TPD52: variants seen among roughly 807,000 people sequenced by gnomAD.
TPD52 encodes prostate and colon associated protein.
Under a neutral mutation model 31.3 loss-of-function variants are expected in TPD52, and 17 were observed. That is an observed-to-expected ratio of 0.54 (90% CI 0.37 to 0.82). The LOEUF is 0.82. Ranked by LOEUF, TPD52 falls within the 40% of genes least tolerant of loss-of-function variation. TPD52 has a pLI of 0.00. For missense variants in TPD52, 212 were observed against 240.1 expected (o/e 0.88, Z 0.77); for synonymous variants, 83 against 89.6 (o/e 0.93, Z 0.42).
intron 3 of TPD52, 65 bp downstream of exon 3, chr8:80,053,217 C>T: frequency 6.5e-7 from 1 of 1,532,834 alleles, no homozygotes; most frequent in Admixed American, 1.9e-5. Flanking sequence ...CTTCCCCTCT[C>T]CAGACAAAAG....
chr8:80,135,915 AG>A (rs1164025213), intron 1 of TPD52, among the ~76,000 whole-genome samples: 1 of 134,966 alleles, frequency 7.4e-6, no homozygotes, highest in Non-Finnish European at 1.6e-5. Flanking sequence ...TCTCACTCAT[AG>A]GTGGGAAGTG....
At chr8:80,171,191 ACACACG>A (rs1032265002) in intron 1 of TPD52, 1 of 700,484 alleles carries the variant, frequency 1.4e-6, no homozygotes, top group African/African-American at 1.8e-5. Flanking sequence ...CCTCTCCCCC[ACACACG>A]CACACTCACA....
intron 1 of TPD52, chr8:80,064,917 C>A: frequency 2.0e-6 from 1 of 490,880 alleles, no homozygotes; most frequent in Non-Finnish European, 3.9e-6. Flanking sequence ...CTTTAAATTG[C>A]TGCAAAAGTA....
intron 1 of TPD52, among the ~76,000 whole-genome samples, chr8:80,139,932 T>G (rs972140778): frequency 2.6e-5 from 4 of 152,160 alleles, no homozygotes; most frequent in South Asian, 4.1e-4. Context: ...CTGGCAGAAG[T>G]GAGCAAAACA....
chr8:80,064,498 G>C lies in TPD52; in HGVS notation c.115C>G (p.Leu39Val). 1 of 1,613,996 alleles carries C rather than the reference G, an allele frequency of 6.2e-7. No individual in the cohort carries two copies. Among genetic ancestry groups the C allele is most frequent in the Non-Finnish European group, 8.5e-7 (1 of 1,179,900 alleles). ...ETLSEEEQEE[L>V]RRELAKVEEE... ...TTTACCTTTGCAAGTTCTCTTCTTA[G>C]CTCTTCCTGCTCCTCTTCCGAGAGG... The change falls in exon 2 of 8, where the codon CTA becomes GTA. Residue 39 changes from leucine (L) to valine (V), a missense_variant. Coordinates refer to ENST00000518937, the MANE Select transcript of TPD52 (RefSeq NM_001025253.3).
chr8:80,078,061 A>G (rs1315642921), intron 1 of TPD52, among the ~76,000 whole-genome samples: 1 of 152,192 alleles, frequency 6.6e-6, no homozygotes, highest in East Asian at 1.9e-4. Flanking sequence ...ATTGCAGGTA[A>G]GGAGGTATAA....
At chr8:80,070,103 T>C (rs1813606825) in intron 1 of TPD52, among the ~76,000 whole-genome samples, 2 of 152,138 alleles carry the variant, frequency 1.3e-5, no homozygotes, top group Non-Finnish European at 2.9e-5. Flanking sequence ...AAATTTCAAC[T>C]GGGGAAAGCA....
At chr8:80,080,791 G>C (rs1403711714) in intron 1 of TPD52, 4 of 1,016,260 alleles carry the variant, frequency 3.9e-6, no homozygotes, top group Non-Finnish European at 4.7e-6. Flanking sequence ...TCTGCAATAT[G>C]GCCCAGAGGT....
intron 1 of TPD52, among the ~76,000 whole-genome samples, chr8:80,118,186 G>A (rs893039062): frequency 6.6e-6 from 1 of 152,162 alleles, no homozygotes; most frequent in African/African-American, 2.4e-5. Flanking sequence ...TTCTGACAAG[G>A]TGCCAAGACA....
chr8:80,044,606 T>TAC (rs1293765258), intron 5 of TPD52, among the ~76,000 whole-genome samples: 1 of 151,568 alleles, frequency 6.6e-6, no homozygotes, highest in Non-Finnish European at 1.5e-5. Flanking sequence ...CATACACACA[T>TAC]ACACACACAA....
At chr8:80,118,782 G>A (rs1027948736) in intron 1 of TPD52, among the ~76,000 whole-genome samples, 2 of 152,120 alleles carry the variant, frequency 1.3e-5, no homozygotes, top group Non-Finnish European at 2.9e-5. Flanking sequence ...TGTTGGTGAC[G>A]ATCCAGAGAA....
chr8:80,097,555 T>TCC (rs1806423055), intron 1 of TPD52, among the ~76,000 whole-genome samples: 1 of 152,174 alleles, frequency 6.6e-6, no homozygotes, highest in Non-Finnish European at 1.5e-5. Context: ...GTGTAACACC[T>TCC]CCCCACTTTG....
Position 80,037,941 on chromosome 8 carries a change from A to G in TPD52, c.*175T>C, listed in dbSNP as rs1810022404. 1.3e-6 allele frequency: 1 copy of G among 782,210 alleles called. No individual in the cohort carries two copies. Among genetic ancestry groups the G allele is most frequent in the African/African-American group, 1.7e-5 (1 of 57,704 alleles). The allele number at this position is 782,210 out of a possible 1,614,324, so 48.5% of individuals were successfully genotyped here. A position where few individuals can be genotyped will look rare whatever the true frequency, so the allele number is the denominator to read the frequency against. ...TGTACACTAAAGGGTGTTTCCCAAGAATAGAGGTGAAGATATTTTCATTTT... is the reference window on the plus strand; with the variant it reads ...TGTACACTAAAGGGTGTTTCCCAAGGATAGAGGTGAAGATATTTTCATTTT... On this transcript the variant is annotated 3_prime_UTR_variant, in exon 8 of 8. Coordinates refer to ENST00000518937, the MANE Select transcript of TPD52 (RefSeq NM_001025253.3).
rs1809823328 is a variant in TPD52 at position 80,035,230 on chromosome 8, A to C, written c.*2886T>G. 6.6e-6 allele frequency: 1 copy of C among 152,210 alleles called. No homozygotes were observed. The highest frequency in any genetic ancestry group is 1.5e-5 in the Non-Finnish European group (1 of 68,038). The allele number at this position is 152,210 out of a possible 1,614,324, so 9.4% of individuals were successfully genotyped here. ...CGGGTGCATGCCTATAGTCCTAGCT[A>C]TTTGGGAAGCTAAGGCAGTAGGATT... On this transcript the variant is annotated 3_prime_UTR_variant, in exon 8 of 8. Coordinates refer to ENST00000518937, the MANE Select transcript of TPD52 (RefSeq NM_001025253.3).
chr8:80,156,669 C>G (rs1459056329), intron 1 of TPD52, among the ~76,000 whole-genome samples: 1 of 151,988 alleles, frequency 6.6e-6, no homozygotes, highest in Non-Finnish European at 1.5e-5. Flanking sequence ...ATAGGAGAAA[C>G]AAGGAGAAAT....
At chr8:80,119,752 T>C in intron 1 of TPD52, 1 of 313,606 alleles carries the variant, frequency 3.2e-6, no homozygotes, top group South Asian at 2.7e-5. Context: ...AAACAAAACA[T>C]TTGAAACAAG....
intron 1 of TPD52, among the ~76,000 whole-genome samples, chr8:80,156,521 G>T (rs77978681): frequency 2.0e-5 from 3 of 152,124 alleles, no homozygotes; most frequent in Admixed American, 6.5e-5. Context: ...AGTCTTTGTG[G>T]GATGTTGATG....
rs534217187 is a variant in TPD52, at chr8:80,146,971, C to A, written c.19+24454G>T. On this transcript the variant is annotated intron_variant, in intron 1 of 7. Transcript: ENST00000518937. ...TGAACTTGCTAAAAATGCAAATTCT[C>A]AGGCCTCACCGCAGACCTACTGAAC... is the stretch of plus-strand genomic sequence containing the variant. Among the ~76,000 whole-genome samples, 6 of 152,320 alleles carry A rather than the reference C, an allele frequency of 3.9e-5. No individual in the cohort carries two copies. The South Asian group carries it at 1.2e-3, about 32-fold the overall frequency.
Position 80,171,503 on chromosome 8 carries a change from C to G in TPD52, c.-60G>C. ...CCCCCGCCTGCAGCCCGTCCCGGCTCGGATCGCCCGCCGCGCCGCGCAGAG... is the reference window on the plus strand; with the variant it reads ...CCCCCGCCTGCAGCCCGTCCCGGCTGGGATCGCCCGCCGCGCCGCGCAGAG... On this transcript the variant is annotated 5_prime_UTR_variant, in exon 1 of 8. Transcript: ENST00000518937. 1 of 1,515,448 alleles carries G rather than the reference C, an allele frequency of 6.6e-7. No homozygotes were observed. The highest frequency in any genetic ancestry group is 8.7e-7 in the Non-Finnish European group (1 of 1,145,252). 93.9% of individuals were successfully genotyped at this position (1,515,448 alleles called of 1,614,324 possible). A position where few individuals can be genotyped will look rare whatever the true frequency, so the allele number is the denominator to read the frequency against.
Sources: gnomAD v4.1 joint callset for allele counts (sites outside exome capture counted in the v4.1 genomes callset) on GRCh38, gnomAD v4.1.1 for gene constraint, MANE v1.5 for transcripts, NCBI Gene and HGNC (gene_info 2026-07-23, HGNC 2026-07-21) for gene names.